MAPK10: variants seen among roughly 807,000 people sequenced by gnomAD.
MAPK10 encodes the protein JNK3 alpha protein kinase.
Under a neutral mutation model 59.3 loss-of-function variants are expected in MAPK10, and 25 were observed. The ratio of observed to expected loss-of-function variants is 0.42; its 90% CI spans 0.31 to 0.59. The LOEUF (loss-of-function observed/expected upper bound fraction) is 0.59, where lower values mean the gene tolerates loss of function less well. MAPK10 is among the 20% of genes least tolerant of loss of function. The pLI, the probability that MAPK10 is intolerant of heterozygous loss-of-function variation, is 0.15. For synonymous variants in MAPK10, 190 were observed against 200.5 expected (o/e 0.95, Z 0.44); for missense variants, 351 against 568.9 (o/e 0.62, Z 3.90).
intron 1 of MAPK10, among the ~76,000 whole-genome samples, chr4:86,482,302 A>AT (rs1331142153): frequency 6.6e-6 from 1 of 152,086 alleles, no homozygotes; most frequent in Non-Finnish European, 1.5e-5. Context: ...GTGAGGTGAG[A>AT]TTTTTTTAAT....
intron 1 of MAPK10, among the ~76,000 whole-genome samples, chr4:86,478,059 T>C (rs1254778728): frequency 1.3e-5 from 2 of 152,216 alleles, no homozygotes; most frequent in East Asian, 1.9e-4. Flanking sequence ...CCCCACCGAT[T>C]GTGTCCAACT....
intron 2 of MAPK10, among the ~76,000 whole-genome samples, chr4:86,256,865 C>T (rs1430697120): frequency 1.3e-5 from 2 of 151,242 alleles, no homozygotes; most frequent in African/African-American, 4.9e-5. Context: ...TTCAGCCTCC[C>T]GAGTAGCTGG....
At chr4:86,247,306 T>C (rs1198403988) in intron 2 of MAPK10, among the ~76,000 whole-genome samples, 2 of 152,212 alleles carry the variant, frequency 1.3e-5, no homozygotes. Context: ...ACTGGTATAA[T>C]TGAGCACCAT....
chr4:86,310,077 G>A (rs2095640598), intron 2 of MAPK10, among the ~76,000 whole-genome samples: 1 of 152,122 alleles, frequency 6.6e-6, no homozygotes, highest in African/African-American at 2.4e-5. Flanking sequence ...TCAAAAGAAT[G>A]CAACCACTTA....
intron 1 of MAPK10, among the ~76,000 whole-genome samples, chr4:86,369,257 T>C (rs1482880437): frequency 2.0e-5 from 3 of 152,270 alleles, no homozygotes; most frequent in South Asian, 4.1e-4. Context: ...GAGCCAAACA[T>C]TGTGTAATTA....
chr4:86,010,760 G>A lies in MAPK10; in HGVS notation c.*6468C>T, dbSNP rs192033635. The A allele has an allele frequency of 6.6e-6, 1 of 152,256 alleles. No individual in the cohort carries two copies. The highest frequency in any genetic ancestry group is 1.9e-4 in the East Asian group (1 of 5,182). 9.4% of individuals were successfully genotyped at this position (152,256 alleles called of 1,614,324 possible). On this transcript the variant is annotated 3_prime_UTR_variant, in exon 14 of 14. Transcript: ENST00000641462. The stretch of plus-strand genomic sequence containing the variant: ...TGTTCATAGGCAATATTTTCACCAG[G>A]ATGGGTTCACAAGTGTTAATGGAAG...
intron 4 of MAPK10, among the ~76,000 whole-genome samples, chr4:86,144,452 A>G (rs1005470049): frequency 6.6e-6 from 1 of 152,174 alleles, no homozygotes; most frequent in Non-Finnish European, 1.5e-5. Context: ...GAAGTTAAAG[A>G]GTATAGAAGA....
intron 4 of MAPK10, among the ~76,000 whole-genome samples, chr4:86,133,869 CATAA>C (rs1369641319): frequency 1.3e-5 from 2 of 152,092 alleles, no homozygotes; most frequent in Non-Finnish European, 2.9e-5. Flanking sequence ...ATTGGTAGTC[CATAA>C]ATAATGATTC....
At chr4:86,335,784 T>C (rs1720928674) in intron 2 of MAPK10, among the ~76,000 whole-genome samples, 1 of 152,100 alleles carries the variant, frequency 6.6e-6, no homozygotes, top group African/African-American at 2.4e-5. Context: ...GAGAGAGAAG[T>C]GTAAGCAGGG....
intron 2 of MAPK10, among the ~76,000 whole-genome samples, chr4:86,203,843 G>A (rs905045539): frequency 1.3e-5 from 2 of 151,428 alleles, no homozygotes; most frequent in African/African-American, 4.8e-5. Flanking sequence ...TATCTTTTCA[G>A]GGGCTGCAGT....
intron 1 of MAPK10, among the ~76,000 whole-genome samples, chr4:86,583,887 T>C (rs1164983368): frequency 1.3e-5 from 2 of 152,180 alleles, no homozygotes; most frequent in Non-Finnish European, 2.9e-5. Flanking sequence ...CACCCCCTTG[T>C]AATATCCTGA....
At chr4:86,139,392 A>G (rs1173329834) in intron 4 of MAPK10, among the ~76,000 whole-genome samples, 1 of 150,968 alleles carries the variant, frequency 6.6e-6, no homozygotes, top group Non-Finnish European at 1.5e-5. Context: ...ATCTACAACT[A>G]TCTGATCTTT....
At chr4:86,103,812 T>G (rs1363415545) in intron 5 of MAPK10, among the ~76,000 whole-genome samples, 1 of 152,032 alleles carries the variant, frequency 6.6e-6, no homozygotes, top group Non-Finnish European at 1.5e-5. Context: ...ATTTTAAAGT[T>G]ATTTAAATTC....
chr4:86,550,563 G>T (rs1759697532), intron 1 of MAPK10, among the ~76,000 whole-genome samples: 1 of 152,000 alleles, frequency 6.6e-6, no homozygotes, highest in Non-Finnish European at 1.5e-5. Flanking sequence ...GCCAGGTGTG[G>T]TGGTGCATAC....
At chr4:86,217,342 T>C (rs2087992956) in intron 2 of MAPK10, among the ~76,000 whole-genome samples, 1 of 152,244 alleles carries the variant, frequency 6.6e-6, no homozygotes, top group South Asian at 2.1e-4. Context: ...GTCATCCTTA[T>C]AATTTGTAAA....
chr4:86,421,625 CAG>C (rs954211459), intron 1 of MAPK10, among the ~76,000 whole-genome samples: 1 of 152,104 alleles, frequency 6.6e-6, no homozygotes, highest in African/African-American at 2.4e-5. Context: ...GCTCCAGGCA[CAG>C]GGAATACAAA....
intron 1 of MAPK10, among the ~76,000 whole-genome samples, chr4:86,515,036 T>C (rs1434519370): frequency 6.6e-6 from 1 of 152,130 alleles, no homozygotes; most frequent in Non-Finnish European, 1.5e-5. Flanking sequence ...GAGTTCATTA[T>C]ATCATACTTA....
intron 2 of MAPK10, among the ~76,000 whole-genome samples, chr4:86,272,159 G>A (rs993835810): frequency 6.6e-6 from 1 of 152,020 alleles, no homozygotes; most frequent in Admixed American, 6.6e-5. Context: ...TTGCTGCAAA[G>A]GACATGATTT....
At chr4:86,259,485 G>C (rs1404614344) in intron 2 of MAPK10, among the ~76,000 whole-genome samples, 1 of 152,034 alleles carries the variant, frequency 6.6e-6, no homozygotes, top group Non-Finnish European at 1.5e-5. Context: ...TTACCAAACA[G>C]CTCTGTATAG....
Sources: gnomAD v4.1 joint callset for allele counts (sites outside exome capture counted in the v4.1 genomes callset) on GRCh38, gnomAD v4.1.1 for gene constraint, MANE v1.5 for transcripts, NCBI Gene and HGNC (gene_info 2026-07-23, HGNC 2026-07-21) for gene names.